Variants in BSPRY observed in about 807,000 individuals in gnomAD.
BSPRY encodes B-box and SPRY domain containing.
In BSPRY, 33 loss-of-function variants were observed where a neutral mutation model predicts 38.0. The observed-to-expected ratio is 0.87, with a 90% confidence interval of 0.66 to 1.16. The LOEUF (loss-of-function observed/expected upper bound fraction) is 1.16, where lower values mean the gene tolerates loss of function less well. BSPRY is among the 50% of genes most tolerant of loss of function. BSPRY has a pLI of 0.00. For missense variants in BSPRY, 523 were observed against 533.2 expected (o/e 0.98, Z 0.19); for synonymous variants, 224 against 228.5 (o/e 0.98, Z 0.18).
At chr9:113,363,112 G>A (rs986918591) in intron 4 of BSPRY, among the ~76,000 whole-genome samples, 1 of 151,990 alleles carries the variant, frequency 6.6e-6, no homozygotes. Flanking sequence ...ACATGTGCAT[G>A]AGAGAAAAAA....
At chr9:113,352,581 G>A (rs1230138289) in intron 1 of BSPRY, among the ~76,000 whole-genome samples, 2 of 152,092 alleles carry the variant, frequency 1.3e-5, no homozygotes, top group Non-Finnish European at 2.9e-5. Flanking sequence ...ACAGAAAGAA[G>A]GCCAGCATGG....
intron 1 of BSPRY, among the ~76,000 whole-genome samples, chr9:113,353,929 G>A (rs1034334004): frequency 2.6e-5 from 4 of 152,108 alleles, no homozygotes; most frequent in African/African-American, 4.8e-5. Flanking sequence ...GGATGAAGAC[G>A]GAGGTGAGGT....
At chr9:113,364,013 A>G (rs1352384810) in intron 4 of BSPRY, among the ~76,000 whole-genome samples, 3 of 152,024 alleles carry the variant, frequency 2.0e-5, no homozygotes, top group Non-Finnish European at 4.4e-5. Flanking sequence ...ATATGGCGAA[A>G]GAAACCTATT....
rs77403343 is a variant in BSPRY at position 113,362,583 on chromosome 9, A to G, written c.557+189A>G. On this transcript the variant is annotated intron_variant, in intron 4 of 5. Coordinates refer to ENST00000374183, the MANE Select transcript of BSPRY (RefSeq NM_017688.3). ...GGCTTAGAGAACTGCTTTAAAACAC[A>G]TGGAAAGGCAGTGGAATACTTAGTA... is the stretch of plus-strand genomic sequence containing the variant. Among the ~76,000 whole-genome samples, 988 of 152,322 alleles carry G rather than the reference A, an allele frequency of 6.5e-3. 9 individuals are homozygous for G. Among genetic ancestry groups the G allele is most frequent in the African/African-American group, 0.023 (954 of 41,568 alleles).
At chr9:113,364,542 A>G (rs1374164490) in intron 4 of BSPRY, among the ~76,000 whole-genome samples, 1 of 152,146 alleles carries the variant, frequency 6.6e-6, no homozygotes, top group Non-Finnish European at 1.5e-5. Flanking sequence ...TATTCAAATG[A>G]TTTCAAACTT....
chr9:113,350,940 C>T (rs1833960839), intron 1 of BSPRY, among the ~76,000 whole-genome samples: 1 of 152,198 alleles, frequency 6.6e-6, no homozygotes, highest in Non-Finnish European at 1.5e-5. Flanking sequence ...GGGGTCCTAC[C>T]TACATTTTAC....
intron 2 of BSPRY, among the ~76,000 whole-genome samples, chr9:113,356,842 C>T (rs548919193): frequency 5.3e-5 from 8 of 151,876 alleles, no homozygotes; most frequent in African/African-American, 9.7e-5. Flanking sequence ...TGATGGTTGG[C>T]GGAGGCAGGG....
chr9:113,368,443 G>A, intron 5 of BSPRY, 60 bp downstream of exon 5: 1 of 1,580,714 alleles, frequency 6.3e-7, no homozygotes, highest in Non-Finnish European at 8.6e-7. Flanking sequence ...GTCTGTCTGG[G>A]GTTCACTCCT....
Position 113,368,330 on chromosome 9 carries a change from G to A in BSPRY, c.629G>A (p.Arg210Gln), listed in dbSNP as rs200673389. Reference protein sequence around the residue: ...EMLNFNEKCTRSPLLTQLWAT... With the variant: ...EMLNFNEKCTQSPLLTQLWAT... ...TTAAACTTTAATGAGAAGTGCACTCGGAGCCCACTACTGACCCAACTCTGG... is the reference window on the plus strand; with the variant it reads ...TTAAACTTTAATGAGAAGTGCACTCAGAGCCCACTACTGACCCAACTCTGG... Residue 210 changes from arginine (R) to glutamine (Q), a missense_variant, in exon 5 of 6, where the codon CGG (arginine) becomes CAG (glutamine). Transcript: ENST00000374183. The A allele has an allele frequency of 1.9e-5, 30 of 1,613,998 alleles. No homozygotes were observed. The highest frequency in any genetic ancestry group is 4.5e-5 in the East Asian group (2 of 44,890).
intron 5 of BSPRY, 79 bp from the exon 6 acceptor site, chr9:113,369,537 G>C: frequency 6.9e-7 from 1 of 1,455,986 alleles, no homozygotes. Flanking sequence ...AGTGAGTGGT[G>C]AGGAACCTTT....
chr9:113,355,345 G>C (rs12344264), intron 2 of BSPRY, among the ~76,000 whole-genome samples: 7 of 152,060 alleles, frequency 4.6e-5, no homozygotes, highest in Non-Finnish European at 2.9e-5. Context: ...ACAGAACCCA[G>C]TTGAACAAGT....
At chr9:113,353,776 A>C (rs1199452041) in intron 1 of BSPRY, among the ~76,000 whole-genome samples, 1 of 152,240 alleles carries the variant, frequency 6.6e-6, no homozygotes, top group Non-Finnish European at 1.5e-5. Context: ...ATAGTACTAA[A>C]GATAAAGTCA....
At chr9:113,363,444 GAAAAAGA>G (rs961492972) in intron 4 of BSPRY, among the ~76,000 whole-genome samples, 5 of 151,604 alleles carry the variant, frequency 3.3e-5, no homozygotes, top group East Asian at 1.9e-4. Context: ...CTGTCTCAAA[GAAAAAGA>G]AAAAAGAAAA....
At chr9:113,365,731 GAA>G (rs1491208607) in intron 4 of BSPRY, among the ~76,000 whole-genome samples, 10 of 109,372 alleles carry the variant, frequency 9.1e-5, no homozygotes, top group South Asian at 3.9e-4. Flanking sequence ...GGGAGAAAGA[GAA>G]AGAGAGAGAG....
At chr9:113,350,444 G>A (rs1483168839) in intron 1 of BSPRY, among the ~76,000 whole-genome samples, 1 of 152,110 alleles carries the variant, frequency 6.6e-6, no homozygotes, top group Admixed American at 6.6e-5. Context: ...AGAATATCAG[G>A]GGATTCCCCT....
At chr9:113,363,225 A>G (rs1347697034) in intron 4 of BSPRY, among the ~76,000 whole-genome samples, 1 of 151,716 alleles carries the variant, frequency 6.6e-6, no homozygotes, top group Non-Finnish European at 1.5e-5. Context: ...GCAGGATGGT[A>G]GCTTGAAGCT....
chr9:113,362,332 C>G, intron 3 of BSPRY, 37 bp from the exon 4 acceptor site: 1 of 1,613,838 alleles, frequency 6.2e-7, no homozygotes, highest in South Asian at 1.1e-5. Flanking sequence ...TGCTGGGTAT[C>G]TGGTGCCAAG....
intron 4 of BSPRY, among the ~76,000 whole-genome samples, chr9:113,365,756 T>A (rs549728275): frequency 0.38 from 54,733 of 144,488 alleles, 12,120 homozygotes; most frequent in African/African-American, 0.62. Flanking sequence ...AGAGAGTGTG[T>A]GTGTGTGTGT....
intron 3 of BSPRY, among the ~76,000 whole-genome samples, chr9:113,361,407 A>T (rs75592086): frequency 0.025 from 3,848 of 152,326 alleles, 85 homozygotes; most frequent in South Asian, 0.085. Context: ...AGTGCCTATT[A>T]TATGTGAAGC....
Sources: gnomAD v4.1 joint callset for allele counts (sites outside exome capture counted in the v4.1 genomes callset) on GRCh38, gnomAD v4.1.1 for gene constraint, MANE v1.5 for transcripts, NCBI Gene and HGNC (gene_info 2026-07-23, HGNC 2026-07-21) for gene names.